Variants in DLG1 observed in about 807,000 individuals in gnomAD.
The protein encoded by DLG1 is discs large MAGUK scaffold protein 1.
A neutral mutation model predicts 123.4 loss-of-function variants in DLG1; 42 were observed. The ratio of observed to expected loss-of-function variants is 0.34; its 90% confidence interval spans 0.27 to 0.44. The LOEUF (loss-of-function observed/expected upper bound fraction) is 0.44, where lower values mean the gene tolerates loss of function less well. Among genes scored for constraint, DLG1 ranks in the 20% least tolerant of loss-of-function variants. The pLI, the probability that DLG1 is intolerant of heterozygous loss-of-function variation, is 1.00. For synonymous variants in DLG1, 317 were observed against 356.2 expected, an observed-to-expected ratio of 0.89 and a Z score of 1.24; for missense variants, 942 against 1,082.6, an observed-to-expected ratio of 0.87 and a Z score of 1.82.
At chr3:197,191,568 T>G (rs2150231679) in intron 5 of DLG1, among the ~76,000 whole-genome samples, 1 of 152,234 alleles carries the variant, frequency 6.6e-6, no homozygotes, top group East Asian at 1.9e-4. Flanking sequence ...GACCGGAAAT[T>G]CAAAACATCA....
intron 13 of DLG1, among the ~76,000 whole-genome samples, chr3:197,107,723 T>C (rs1354741599): frequency 6.6e-6 from 1 of 152,194 alleles, no homozygotes; most frequent in Non-Finnish European, 1.5e-5. Context: ...CAGTCTGTTG[T>C]TGTATTTCTT....
At chr3:197,162,112 G>A (rs1799013527) in intron 5 of DLG1, among the ~76,000 whole-genome samples, 1 of 152,018 alleles carries the variant, frequency 6.6e-6, no homozygotes, top group Non-Finnish European at 1.5e-5. Flanking sequence ...TTTCCTCTAT[G>A]CATTCAGAAA....
At chr3:197,144,070 C>A (rs1379107394) in intron 6 of DLG1, among the ~76,000 whole-genome samples, 1 of 152,160 alleles carries the variant, frequency 6.6e-6, no homozygotes, top group African/African-American at 2.4e-5. Context: ...CTGAAGATGG[C>A]TCACATCTTC....
At chr3:197,067,803 C>T (rs950625871) in intron 19 of DLG1, among the ~76,000 whole-genome samples, 9 of 152,086 alleles carry the variant, frequency 5.9e-5, no homozygotes, top group African/African-American at 1.2e-4. Context: ...GTGATCTGCC[C>T]GCCTCGGCCT....
At chr3:197,282,965 C>T (rs562655770) in intron 3 of DLG1, 120 bp from the exon 4 acceptor site, 10 of 556,816 alleles carry the variant, frequency 1.8e-5, no homozygotes, top group Admixed American at 6.8e-5. Flanking sequence ...CAATTCCCAT[C>T]GTATAATGTA....
chr3:197,293,312 A>G (rs756295250), intron 3 of DLG1, among the ~76,000 whole-genome samples: 25 of 152,246 alleles, frequency 1.6e-4, no homozygotes, highest in Non-Finnish European at 2.9e-4. Flanking sequence ...CAAAATTAGT[A>G]AAAACTTTTC....
intron 12 of DLG1, among the ~76,000 whole-genome samples, chr3:197,118,710 C>A (rs1379853169): frequency 6.6e-6 from 1 of 152,050 alleles, no homozygotes; most frequent in Admixed American, 6.5e-5. Context: ...TGCTTTTTCA[C>A]CAATTTTTTT....
intron 16 of DLG1, among the ~76,000 whole-genome samples, chr3:197,081,566 T>A (rs370057345): frequency 6.6e-6 from 1 of 152,240 alleles, no homozygotes; most frequent in Non-Finnish European, 1.5e-5. Context: ...TATTGCCGTT[T>A]TTGTACTTAC....
At chr3:197,266,521 C>T (rs904459506) in intron 4 of DLG1, among the ~76,000 whole-genome samples, 1 of 151,868 alleles carries the variant, frequency 6.6e-6, no homozygotes, top group East Asian at 1.9e-4. Context: ...GCTGAGGCAG[C>T]AGGACTGCTT....
chr3:197,108,659 T>A (rs905422433), intron 13 of DLG1, among the ~76,000 whole-genome samples: 7 of 152,216 alleles, frequency 4.6e-5, no homozygotes, highest in African/African-American at 1.4e-4. Flanking sequence ...TCCTTTGATA[T>A]TAGTCATATT....
intron 4 of DLG1, among the ~76,000 whole-genome samples, chr3:197,244,692 G>C (rs1750739411): frequency 6.6e-6 from 1 of 151,664 alleles, no homozygotes; most frequent in Non-Finnish European, 1.5e-5. Context: ...GGTATGATGG[G>C]TCTGCATTTT....
intron 24 of DLG1, among the ~76,000 whole-genome samples, chr3:197,048,298 C>A (rs1007235129): frequency 6.6e-6 from 1 of 152,152 alleles, no homozygotes; most frequent in African/African-American, 2.4e-5. Context: ...TGGCAAAACC[C>A]TGTCTCTACT....
chr3:197,154,267 A>T (rs1220097929), intron 5 of DLG1, among the ~76,000 whole-genome samples: 2 of 152,234 alleles, frequency 1.3e-5, no homozygotes, highest in East Asian at 3.9e-4. Flanking sequence ...ACACCACTGT[A>T]CTCTAGCCTG....
intron 1 of DLG1, 111 bp from the exon 2 acceptor site, chr3:197,297,346 GT>G: frequency 6.7e-7 from 1 of 1,488,914 alleles, no homozygotes; most frequent in Non-Finnish European, 8.9e-7. Context: ...ACGTTCCAAA[GT>G]TTTACCAAGT....
chr3:197,146,893 C>G (rs1465905282), intron 6 of DLG1, among the ~76,000 whole-genome samples: 2 of 152,128 alleles, frequency 1.3e-5, no homozygotes, highest in African/African-American at 4.8e-5. Flanking sequence ...ACAATCTATA[C>G]TTCTGACAAA....
intron 5 of DLG1, among the ~76,000 whole-genome samples, chr3:197,152,762 C>CAAAAAA (rs63446260): frequency 1.7e-4 from 9 of 52,508 alleles, no homozygotes; most frequent in Admixed American, 2.3e-4. Flanking sequence ...GACTCTGTCT[C>CAAAAAA]AAAAAAAAAA....
chr3:197,176,175 T>A (rs1806939789), intron 5 of DLG1, among the ~76,000 whole-genome samples: 3 of 152,110 alleles, frequency 2.0e-5, no homozygotes, highest in Admixed American at 6.6e-5. Context: ...GACACCAATT[T>A]TATAGTTTTT....
intron 14 of DLG1, among the ~76,000 whole-genome samples, chr3:197,103,271 T>C (rs73891624): frequency 0.012 from 1,804 of 152,262 alleles, 32 homozygotes; most frequent in African/African-American, 0.041. Flanking sequence ...GGAGCATGCG[T>C]GTATGTTTTG....
intron 4 of DLG1, among the ~76,000 whole-genome samples, chr3:197,215,027 G>T (rs1025301206): frequency 2.6e-5 from 4 of 152,164 alleles, no homozygotes; most frequent in African/African-American, 9.7e-5. Flanking sequence ...CTTTTTGCCA[G>T]CAATTTAACA....
Sources: allele counts gnomAD v4.1 joint callset (sites outside exome capture counted in the v4.1 genomes callset), GRCh38; gene constraint gnomAD v4.1.1; transcripts MANE v1.5; gene names NCBI Gene and HGNC (gene_info 2026-07-23, HGNC 2026-07-21).